The following THSD7B variants were observed in gnomAD, a reference collection of about 807,000 sequenced individuals.
The protein encoded by THSD7B is thrombospondin type 1 domain containing 7B.
THSD7B carries 138 observed loss-of-function variants against 213.6 expected under a neutral mutation model. The ratio of observed to expected loss-of-function variants is 0.65; its 90% CI spans 0.56 to 0.74. The LOEUF (loss-of-function observed/expected upper bound fraction) is 0.74. Among genes scored for constraint, THSD7B ranks in the 30% least tolerant of loss-of-function variants. THSD7B has a pLI of 0.00. For synonymous variants in THSD7B, 742 were observed against 687.0 expected (o/e 1.08, Z -1.25); for missense variants, 1,931 against 1,991.5 (o/e 0.97, Z 0.58).
chr2:137,575,742 A>ATATATATATATATATATATATATTTTT (rs1235744133), intron 17 of THSD7B, among the ~76,000 whole-genome samples: 3 of 147,416 alleles, frequency 2.0e-5, no homozygotes, highest in African/African-American at 7.3e-5. Context: ...ATATATATAT[A>ATATATATATATATATATATATATTTTT]TTTTTACTTT....
intron 1 of THSD7B, among the ~76,000 whole-genome samples, chr2:136,869,657 C>T (rs1449425939): frequency 6.6e-6 from 1 of 152,158 alleles, no homozygotes; most frequent in Non-Finnish European, 1.5e-5. Context: ...TTCTTTGATT[C>T]CATAATTTCA....
In THSD7B at chr2:137,009,688, T is replaced by C. The variant is rs549435387; in HGVS notation, c.140-46732T>C. Among the ~76,000 whole-genome samples, 4 of 152,244 alleles carry C rather than the reference T, an allele frequency of 2.6e-5. No individual in the cohort carries two copies. In the South Asian group the frequency reaches 8.3e-4, roughly 32 times the overall value. On this transcript the variant is annotated intron_variant, in intron 2 of 27. Transcript: ENST00000409968. ...ATCAGATCTCGTGAGACTTATGACT[T>C]ACCATGAGAACAGTATGGGGGAAAC...
At chr2:137,429,637 G>A (rs1687131936) in intron 14 of THSD7B, among the ~76,000 whole-genome samples, 2 of 152,170 alleles carry the variant, frequency 1.3e-5, no homozygotes, top group South Asian at 2.1e-4. Context: ...GGAAATTTTG[G>A]TGTGGTTTTA....
intron 2 of THSD7B, among the ~76,000 whole-genome samples, chr2:137,010,247 C>T (rs771167469): frequency 3.3e-5 from 5 of 152,178 alleles, no homozygotes; most frequent in Non-Finnish European, 5.9e-5. Flanking sequence ...GATATTGGCA[C>T]AGTGAAGATA....
intron 12 of THSD7B, among the ~76,000 whole-genome samples, chr2:137,403,061 C>G (rs1161286908): frequency 6.6e-6 from 1 of 152,096 alleles, no homozygotes; most frequent in Non-Finnish European, 1.5e-5. Flanking sequence ...ATATTCCCAA[C>G]AAAGAAAATG....
chr2:137,650,399 T>C (rs1257421999), intron 21 of THSD7B, among the ~76,000 whole-genome samples: 1 of 152,252 alleles, frequency 6.6e-6, no homozygotes, highest in South Asian at 2.1e-4. Flanking sequence ...TGTTGGTGTA[T>C]ATAAATGCTA....
At chr2:137,253,456 T>C (rs1682233130) in intron 10 of THSD7B, among the ~76,000 whole-genome samples, 1 of 152,180 alleles carries the variant, frequency 6.6e-6, no homozygotes. Context: ...CTATGGCACA[T>C]GGATATTTAA....
At chr2:137,581,421 C>A (rs1432252789) in intron 17 of THSD7B, among the ~76,000 whole-genome samples, 2 of 152,092 alleles carry the variant, frequency 1.3e-5, no homozygotes, top group African/African-American at 2.4e-5. Context: ...AACCCCATCT[C>A]TACTAAAAAT....
chr2:137,406,396 G>T (rs1686517680), intron 13 of THSD7B, among the ~76,000 whole-genome samples: 1 of 152,108 alleles, frequency 6.6e-6, no homozygotes, highest in Non-Finnish European at 1.5e-5. Flanking sequence ...GGCAATTTTT[G>T]CCTGCAGTAT....
chr2:137,670,523 C>T (rs888571363), intron 27 of THSD7B, among the ~76,000 whole-genome samples: 2 of 152,064 alleles, frequency 1.3e-5, no homozygotes, highest in East Asian at 1.9e-4. Flanking sequence ...ACTTTGATTT[C>T]GATAAGAGAG....
intron 15 of THSD7B, among the ~76,000 whole-genome samples, chr2:137,457,279 A>C (rs1234282860): frequency 6.6e-6 from 1 of 152,058 alleles, no homozygotes; most frequent in Non-Finnish European, 1.5e-5. Flanking sequence ...ATATTTTTTC[A>C]TACTGGTTAT....
intron 2 of THSD7B, among the ~76,000 whole-genome samples, chr2:136,919,389 C>T (rs1684398277): frequency 6.6e-6 from 1 of 152,226 alleles, no homozygotes; most frequent in Non-Finnish European, 1.5e-5. Flanking sequence ...CACCTTGCAG[C>T]AGTCTGCTTT....
chr2:137,668,433 T>G (rs1400161805), intron 27 of THSD7B, among the ~76,000 whole-genome samples: 2 of 142,518 alleles, frequency 1.4e-5, no homozygotes, highest in African/African-American at 2.6e-5. Flanking sequence ...AAAATTTAAC[T>G]GATGGTCATT....
chr2:137,012,188 G>T (rs572301323), intron 2 of THSD7B, among the ~76,000 whole-genome samples: 65 of 152,284 alleles, frequency 4.3e-4, no homozygotes, highest in Admixed American at 7.2e-4. Context: ...TAATACTATG[G>T]AGGTTCAGTA....
At chr2:137,618,590 A>T in intron 19 of THSD7B, 83 bp downstream of exon 19, 1 of 1,220,470 alleles carries the variant, frequency 8.2e-7, no homozygotes, top group Non-Finnish European at 1.2e-6. Flanking sequence ...TCCAATATAG[A>T]TAACAGACTG....
intron 17 of THSD7B, among the ~76,000 whole-genome samples, chr2:137,585,065 G>T (rs1183976461): frequency 6.6e-6 from 1 of 152,030 alleles, no homozygotes; most frequent in Non-Finnish European, 1.5e-5. Flanking sequence ...GTTTAGTCTT[G>T]GGAAGTTGTA....
At chr2:137,633,600 C>CA (rs1457488721) in intron 20 of THSD7B, among the ~76,000 whole-genome samples, 2 of 152,036 alleles carry the variant, frequency 1.3e-5, no homozygotes, top group Non-Finnish European at 2.9e-5. Context: ...TATCATTTCA[C>CA]AAAAAATATT....
At chr2:137,338,891 G>T (rs1337852785) in intron 12 of THSD7B, among the ~76,000 whole-genome samples, 1 of 151,954 alleles carries the variant, frequency 6.6e-6, no homozygotes, top group African/African-American at 2.4e-5. Context: ...GAGGTTAATT[G>T]CTCTTTAGAG....
chr2:137,586,283 T>C (rs927217258), intron 17 of THSD7B, among the ~76,000 whole-genome samples: 10 of 152,178 alleles, frequency 6.6e-5, no homozygotes, highest in Admixed American at 3.3e-4. Flanking sequence ...TCTTGACACT[T>C]TATCCAATTT....
Sources: gnomAD v4.1 joint callset for allele counts (sites outside exome capture counted in the v4.1 genomes callset) on GRCh38, gnomAD v4.1.1 for gene constraint, MANE v1.5 for transcripts, NCBI Gene and HGNC (gene_info 2026-07-23, HGNC 2026-07-21) for gene names.